The following PDILT variants were observed in gnomAD, a reference collection of about 807,000 sequenced individuals.
PDILT encodes protein disulfide isomerase like, testis expressed, also known as protein disulfide-isomerase-like protein of the testis.
PDILT carries 43 observed loss-of-function variants against 53.7 expected under a neutral mutation model. The ratio of observed to expected loss-of-function variants is 0.80; its 90% CI spans 0.63 to 1.03. The LOEUF (loss-of-function observed/expected upper bound fraction) is 1.03, where lower values mean the gene tolerates loss of function less well. Ranked by LOEUF, PDILT falls within the 50% of genes least tolerant of loss-of-function variation. The pLI is 0.00. For synonymous variants in PDILT, 282 were observed against 274.2 expected (o/e 1.03, Z -0.28); for missense variants, 727 against 712.3 (o/e 1.02, Z -0.24).
chr16:20,369,770 G>A (rs190368877), intron 7 of PDILT, 81 bp from the exon 8 acceptor site: 15,559 of 1,395,550 alleles, frequency 0.011, 134 homozygotes, highest in Non-Finnish European at 0.014. Flanking sequence ...GGACTAAGGG[G>A]ATGCACATGG....
At chr16:20,396,786 G>A (rs1966667014) in intron 2 of PDILT, among the ~76,000 whole-genome samples, 1 of 152,154 alleles carries the variant, frequency 6.6e-6, no homozygotes, top group Non-Finnish European at 1.5e-5. Flanking sequence ...GGCTTAAACT[G>A]TAAAGTCCTT....
At chr16:20,400,115 G>A (rs916258096) in intron 1 of PDILT, among the ~76,000 whole-genome samples, 2 of 150,966 alleles carry the variant, frequency 1.3e-5, no homozygotes, top group Admixed American at 6.6e-5. Flanking sequence ...AGGCTGGGGT[G>A]CAGTGGCACG....
intron 2 of PDILT, among the ~76,000 whole-genome samples, chr16:20,392,170 C>T (rs1025687548): frequency 3.9e-5 from 6 of 152,114 alleles, no homozygotes; most frequent in Admixed American, 6.5e-5. Context: ...ATCCACAGGA[C>T]GTGGTGATGG....
In PDILT at chr16:20,369,703, CA is replaced by C; in HGVS notation, c.919-15del. 6.2e-7 allele frequency: 1 copy of C among 1,613,428 alleles called. No individual in the cohort carries two copies. Among genetic ancestry groups the C allele is most frequent in the Non-Finnish European group, 8.5e-7 (1 of 1,179,796 alleles). On this transcript the variant is annotated splice_polypyrimidine_tract_variant and intron_variant, in intron 7 of 11. Coordinates refer to ENST00000302451, the MANE Select transcript of PDILT (RefSeq NM_174924.2). ...GATGAAAAGGATCTGCCAAAGAAAA[CA>C]AAACCCTTGTCTCTCTGGATCCTTT... is the stretch of plus-strand genomic sequence containing the variant.
At chr16:20,361,441 C>T (rs1177394155) in intron 10 of PDILT, among the ~76,000 whole-genome samples, 2 of 151,988 alleles carry the variant, frequency 1.3e-5, no homozygotes, top group Non-Finnish European at 2.9e-5. Flanking sequence ...CCTCAGGCTC[C>T]CAACGTAATG....
chr16:20,396,575 GC>G (rs1265069863), intron 2 of PDILT, among the ~76,000 whole-genome samples: 6 of 152,188 alleles, frequency 3.9e-5, no homozygotes, highest in African/African-American at 1.4e-4. Flanking sequence ...AATCCCTCGT[GC>G]ACTCAAAGAC....
chr16:20,361,909 C>T (rs1290924976), intron 10 of PDILT, among the ~76,000 whole-genome samples: 1 of 152,220 alleles, frequency 6.6e-6, no homozygotes, highest in East Asian at 1.9e-4. Flanking sequence ...TTGACTGATG[C>T]TCTTTCCCAT....
chr16:20,403,149 C>A (rs1043240388), intron 1 of PDILT, among the ~76,000 whole-genome samples: 1 of 152,140 alleles, frequency 6.6e-6, no homozygotes, highest in Non-Finnish European at 1.5e-5. Context: ...CCCTGTATGC[C>A]GTGGAGAGAC....
chr16:20,393,965 C>T (rs1443452264), intron 2 of PDILT, among the ~76,000 whole-genome samples: 3 of 152,152 alleles, frequency 2.0e-5, no homozygotes, highest in African/African-American at 7.2e-5. Context: ...GGCCAGCTGC[C>T]AGCTCATGGG....
At chr16:20,399,335 C>A in intron 1 of PDILT, 28 bp from the exon 2 acceptor site, 1 of 1,609,054 alleles carries the variant, frequency 6.2e-7, no homozygotes, top group Admixed American at 1.7e-5. Context: ...GGAACAGAGA[C>A]CTTATCAACA....
chr16:20,365,483 G>C lies in PDILT; in HGVS notation c.1174C>G (p.Leu392Val), dbSNP rs770466958. ...KYWDQGLVKQ[L>V]VGKNFNVVVF... ...ACTACGTTGAAGTTCTTCCCCACGAGCTGCTTAACCAGTCCCTGGTCCCAG... is the reference window on the plus strand; with the variant it reads ...ACTACGTTGAAGTTCTTCCCCACGACCTGCTTAACCAGTCCCTGGTCCCAG... Residue 392 changes from leucine (L) to valine (V), a missense_variant, in exon 9 of 12, where the codon CTC becomes GTC. Transcript: ENST00000302451. 2 of 1,613,876 alleles carry C rather than the reference G, an allele frequency of 1.2e-6. No individual in the cohort carries two copies. The highest frequency in any genetic ancestry group is 1.7e-6 in the Non-Finnish European group (2 of 1,179,764).
At chr16:20,367,592 G>A (rs779780132) in intron 8 of PDILT, among the ~76,000 whole-genome samples, 1 of 152,206 alleles carries the variant, frequency 6.6e-6, no homozygotes, top group Non-Finnish European at 1.5e-5. Context: ...CACCACCTCA[G>A]ATCTAACTGC....
intron 3 of PDILT, among the ~76,000 whole-genome samples, chr16:20,379,707 T>C (rs1966435825): frequency 6.6e-6 from 1 of 152,220 alleles, no homozygotes; most frequent in Non-Finnish European, 1.5e-5. Context: ...TTTCTGGTCA[T>C]AGCAGATGCC....
chr16:20,373,024 T>C lies in PDILT; in HGVS notation c.780A>G (p.Glu260=). ...TTTACTCACTGACCTCAGTGTTGTA[T>C]TCGATCACAAAATCTGTAAGGTGCT... ...IKQHLTDFVI[E]YNTENKDLIS... The change falls in exon 6 of 12, where the codon GAA becomes GAG. Residue 260 remains glutamate, a synonymous_variant. Coordinates refer to ENST00000302451, the MANE Select transcript of PDILT (RefSeq NM_174924.2). 6.2e-7 allele frequency: 1 copy of C among 1,614,116 alleles called. No homozygotes were observed. The highest frequency in any genetic ancestry group is 8.5e-7 in the Non-Finnish European group (1 of 1,179,970).
At chr16:20,366,980 C>A (rs1219197091) in intron 8 of PDILT, among the ~76,000 whole-genome samples, 2,262 of 44,872 alleles carry the variant, frequency 0.05, 128 homozygotes, top group South Asian at 0.12. Context: ...TCCTTCCTTC[C>A]TTCCTTCCTT....
chr16:20,384,934 G>T, intron 2 of PDILT, 83 bp from the exon 3 acceptor site: 1 of 1,372,676 alleles, frequency 7.3e-7, no homozygotes. Context: ...GGCCTGCTTA[G>T]CTCCCGGAAC....
chr16:20,367,027 CTTTCTTTCTTTCTTT>C lies in PDILT; in HGVS notation c.1117-1502_1117-1488del, dbSNP rs1244635919. Among the ~76,000 whole-genome samples, 49 of 6,222 alleles carry C rather than the reference CTTTCTTTCTTTCTTT, an allele frequency of 7.9e-3. 1 individual carries two copies. The highest frequency in any genetic ancestry group is 0.07 in the South Asian group (31 of 446). The allele number at this position is 6,222 out of a possible 152,430, so 4.1% of individuals were successfully genotyped here. On this transcript the variant is annotated intron_variant, in intron 8 of 11. Coordinates refer to ENST00000302451, the MANE Select transcript of PDILT (RefSeq NM_174924.2). ...TTATTTATTTCTCTCTCTCTTTCTT[CTTTCTTTCTTTCTTT>C]CTTTCTTTCTTTCTTTCTTTCTTTC...
intron 5 of PDILT, 84 bp from the exon 6 acceptor site, chr16:20,373,206 C>T: frequency 8.4e-7 from 1 of 1,185,636 alleles, no homozygotes; most frequent in Non-Finnish European, 1.2e-6. Context: ...CAATTTTCTC[C>T]TTGGATAAAA....
chr16:20,370,902 T>C (rs546506209), intron 7 of PDILT, among the ~76,000 whole-genome samples: 1 of 152,280 alleles, frequency 6.6e-6, no homozygotes, highest in Non-Finnish European at 1.5e-5. Flanking sequence ...TTACACTATA[T>C]GGTCTAAAAA....
Sources: gnomAD v4.1 joint callset for allele counts (sites outside exome capture counted in the v4.1 genomes callset) on GRCh38, gnomAD v4.1.1 for gene constraint, MANE v1.5 for transcripts, NCBI Gene and HGNC (gene_info 2026-07-23, HGNC 2026-07-21) for gene names.